Variants in ADAR observed in about 807,000 individuals in gnomAD.
The protein encoded by ADAR is double-stranded RNA-specific adenosine deaminase.
A neutral mutation model predicts 113.2 loss-of-function variants in ADAR; 41 were observed. The observed-to-expected ratio is 0.36, with a 90% CI of 0.28 to 0.47. The LOEUF is 0.47. Ranked by LOEUF, ADAR falls within the 20% of genes least tolerant of loss-of-function variation. The pLI is 1.00. For synonymous variants in ADAR, 605 were observed against 572.6 expected (o/e 1.06, Z -0.81); for missense variants, 1,242 against 1,540.9 (o/e 0.81, Z 3.25).
intron 6 of ADAR, among the ~76,000 whole-genome samples, chr1:154,596,473 C>G (rs1160827877): frequency 6.6e-6 from 1 of 152,156 alleles, no homozygotes; most frequent in African/African-American, 2.4e-5. Context: ...CTCCCGACCT[C>G]AGGTAATCTA....
upstream of ADAR, chr1:154,608,822 A>C (rs1157459083): frequency 2.4e-5 from 1 of 40,834 alleles, no homozygotes; most frequent in African/African-American, 8.7e-5. Flanking sequence ...CGCGTCTCCA[A>C]TGTGGAGGGG....
chr1:154,611,373 A>C (rs1378627696), upstream of ADAR, among the ~76,000 whole-genome samples: 2 of 152,070 alleles, frequency 1.3e-5, no homozygotes, highest in African/African-American at 2.4e-5. Flanking sequence ...TTAGCAGCTC[A>C]AGTAACTGCA....
At chr1:154,590,008 CT>C in intron 7 of ADAR, 80 bp from the exon 8 acceptor site, 4 of 1,575,646 alleles carry the variant, frequency 2.5e-6, no homozygotes, top group Non-Finnish European at 3.5e-6. Context: ...GGAGATCAAG[CT>C]CTACTTGTCG....
intron 6 of ADAR, among the ~76,000 whole-genome samples, chr1:154,594,478 G>C (rs1697371082): frequency 6.6e-6 from 1 of 152,182 alleles, no homozygotes; most frequent in Non-Finnish European, 1.5e-5. Context: ...AAACATGCCG[G>C]TTGCATGGCA....
At position 154,588,752 on chromosome 1, in the gene ADAR, G is replaced by A. The variant is rs72999488; in HGVS notation, c.2763-79C>T. The A allele has an allele frequency of 2.3e-3, 3,586 of 1,580,358 alleles. 70 individuals carry two copies. The African/African-American group carries it at 0.044, about 19-fold the overall frequency. On this transcript the variant is annotated intron_variant, in intron 9 of 14. Transcript: ENST00000368474. ...TGTTTCTATAATCTGACCTCCAAAT[G>A]AGAAAGTAAGGAAAAGTCTCAATGT...
chr1:154,607,872 G>GACACACAC (rs71586026), intron 1 of ADAR, 120 bp downstream of exon 1: 12 of 1,245,886 alleles, frequency 9.6e-6, no homozygotes, highest in Non-Finnish European at 1.4e-5. Context: ...TTGGCAAGAC[G>GACACACAC]ACACACACAC....
Position 154,596,834 on chromosome 1 carries a change from G to C in ADAR, c.2241C>G (p.Val747=), listed in dbSNP as rs780746416. The change falls in exon 6 of 15, where the codon GTC becomes GTG. Residue 747 remains valine, a synonymous_variant. Transcript: ENST00000368474. The part of the protein sequence containing the change: ...SHGFAAEFKL[V]DQSGPPHEPK... ...GCTCGTGAGGAGGTCCGGACTGGTCGACCAACTTGAATTCAGCAGCAAAGC... is the reference window on the plus strand; with the variant it reads ...GCTCGTGAGGAGGTCCGGACTGGTCCACCAACTTGAATTCAGCAGCAAAGC... 6.2e-7 allele frequency: 1 copy of C among 1,613,676 alleles called. No homozygotes were observed. Among genetic ancestry groups the C allele is most frequent in the Non-Finnish European group, 8.5e-7 (1 of 1,180,016 alleles).
chr1:154,625,307 G>A (rs1029785155), intron 1 of ADAR, among the ~76,000 whole-genome samples: 1 of 152,218 alleles, frequency 6.6e-6, no homozygotes, highest in Non-Finnish European at 1.5e-5. Context: ...CTGAGAAAGA[G>A]CAAGACTCAA....
intron 6 of ADAR, among the ~76,000 whole-genome samples, chr1:154,592,723 G>A (rs934789730): frequency 6.6e-6 from 1 of 152,114 alleles, no homozygotes; most frequent in Middle Eastern, 3.4e-3. Flanking sequence ...AGCGAAGGGG[G>A]CAAAACCCAA....
Position 154,589,914 on chromosome 1 carries a change from G to A in ADAR, c.2511C>T (p.Gly837=), listed in dbSNP as rs1173996648. Residue 837 remains glycine, a synonymous_variant, in exon 8 of 15, where the codon GGC becomes GGT. Coordinates refer to ENST00000368474, the MANE Select transcript of ADAR (RefSeq NM_001111.5). ...EAQPKTLPLT[G]STFHDQIAML... The stretch of plus-strand genomic sequence containing the variant: ...TGGCTATCTGGTCATGGAAGGTGCT[G>A]CCAGTGAGAGGGAGCTGTGGGGAAA... 1.2e-6 allele frequency: 2 copies of A among 1,613,956 alleles called. No homozygotes were observed. Among genetic ancestry groups the A allele is most frequent in the South Asian group, 1.1e-5 (1 of 91,082 alleles).
At chr1:154,590,142 C>T (rs1557871055) in intron 7 of ADAR, 42 bp downstream of exon 7, 2 of 809,410 alleles carry the variant, frequency 2.5e-6, no homozygotes, top group Admixed American at 2.0e-5. Flanking sequence ...GTTAGGAGGA[C>T]CCCCCCGCCC....
intron 1 of ADAR, among the ~76,000 whole-genome samples, chr1:154,626,482 T>G (rs192713796): frequency 1.3e-5 from 2 of 152,224 alleles, no homozygotes; most frequent in Admixed American, 1.3e-4. Context: ...AGATTATGGA[T>G]TTTGAGATTT....
chr1:154,590,073 G>C, intron 7 of ADAR, 111 bp downstream of exon 7: 2 of 1,494,812 alleles, frequency 1.3e-6, no homozygotes, highest in Non-Finnish European at 9.3e-7. Context: ...GCTCTCTCGA[G>C]GCTAAGAGTA....
chr1:154,598,253 G>A, intron 3 of ADAR, 149 bp downstream of exon 3: 1 of 897,354 alleles, frequency 1.1e-6, no homozygotes, highest in Non-Finnish European at 1.8e-6. Flanking sequence ...AGGAGGAAAG[G>A]TGGGCTGGCG....
chr1:154,610,826 A>AAAAAAAAAAAAAAAAAAC, upstream of ADAR, among the ~76,000 whole-genome samples: 1 of 129,388 alleles, frequency 7.7e-6, no homozygotes, highest in Non-Finnish European at 1.5e-5. Flanking sequence ...AAAAAAAAGA[A>AAAAAAAAAAAAAAAAAAC]AAAAAAAAAA....
intron 1 of ADAR, among the ~76,000 whole-genome samples, chr1:154,614,001 G>C (rs1183292074): frequency 6.6e-6 from 1 of 151,666 alleles, no homozygotes; most frequent in East Asian, 1.9e-4. Context: ...ACTCCAGTAA[G>C]TTATCTAGTA....
chr1:154,586,596 G>C (rs998438203), intron 11 of ADAR, among the ~76,000 whole-genome samples: 1 of 152,236 alleles, frequency 6.6e-6, no homozygotes, highest in Non-Finnish European at 1.5e-5. Context: ...GAGATTGAAA[G>C]GGAAGAGAAT....
At chr1:154,593,422 G>A (rs1379464043) in intron 6 of ADAR, among the ~76,000 whole-genome samples, 2 of 152,188 alleles carry the variant, frequency 1.3e-5, no homozygotes, top group East Asian at 3.8e-4. Context: ...ATGGCTATAT[G>A]TCTGCTACAC....
Position 154,608,046 on chromosome 1 carries a change from C to T in ADAR, c.-40G>A, listed in dbSNP as rs765616028. On this transcript the variant is annotated 5_prime_UTR_variant, in exon 1 of 15. Coordinates refer to ENST00000368474, the MANE Select transcript of ADAR (RefSeq NM_001111.5). Reference sequence around the variant, plus strand: ...ATTGCCCGGCCCGACCCGCCGGCGGCACGACCCTGGCCCGACCGCTGGGCC... The same window carrying T: ...ATTGCCCGGCCCGACCCGCCGGCGGTACGACCCTGGCCCGACCGCTGGGCC... 1.3e-6 allele frequency: 2 copies of T among 1,562,160 alleles called. No homozygotes were observed. The highest frequency in any genetic ancestry group is 1.7e-6 in the Non-Finnish European group (2 of 1,153,106).
Sources: gnomAD v4.1 joint callset for allele counts (sites outside exome capture counted in the v4.1 genomes callset) on GRCh38, gnomAD v4.1.1 for gene constraint, MANE v1.5 for transcripts, NCBI Gene and HGNC (gene_info 2026-07-23, HGNC 2026-07-21) for gene names.